The following NBPF26 variants were observed in gnomAD, a reference collection of about 807,000 sequenced individuals.
NBPF26 encodes the protein NBPF member 26.
A neutral mutation model predicts 119.6 loss-of-function variants in NBPF26; 79 were observed. That is an observed-to-expected ratio of 0.66 (90% confidence interval 0.55 to 0.80). The LOEUF (loss-of-function observed/expected upper bound fraction) is 0.80, where lower values mean the gene tolerates loss of function less well. NBPF26 is among the 30% of genes least tolerant of loss of function. The pLI is 0.00. For synonymous variants in NBPF26, 299 were observed against 457.7 expected (o/e 0.65, Z 4.43); for missense variants, 800 against 1,198.2 (o/e 0.67, Z 4.91).
chr1:120,804,631 C>G (rs1651633933), intron 4 of NBPF26, among the ~76,000 whole-genome samples: 1 of 119,136 alleles, frequency 8.4e-6, no homozygotes, highest in Non-Finnish European at 1.6e-5. Context: ...TCTTGTGGCA[C>G]TAGAATGACA....
chr1:120,785,411 A>G (rs1395066869), intron 3 of NBPF26, among the ~76,000 whole-genome samples, 178 bp downstream of exon 3: 1 of 70,222 alleles, frequency 1.4e-5, no homozygotes, highest in Non-Finnish European at 2.4e-5. Flanking sequence ...TAAGAGTTTC[A>G]GGGGGCAGAG....
chr1:120,840,517 T>C lies in NBPF26; in HGVS notation c.4271T>C (p.Val1424Ala). Reference sequence around the variant, plus strand: ...GAGCATATCAGCTTCGCCCTTTACGTGGACAATAGGTTTTTTACTTTGACG... The same window carrying C: ...GAGCATATCAGCTTCGCCCTTTACGCGGACAATAGGTTTTTTACTTTGACG... Residue 1424 changes from valine to alanine, a missense_variant, in exon 30 of 30, where the codon GTG becomes GCG. Coordinates refer to ENST00000620612, the Ensembl canonical transcript of NBPF26. 1.4e-6 allele frequency: 2 copies of C among 1,474,526 alleles called. 1 individual carries two copies. Among genetic ancestry groups the C allele is most frequent in the Non-Finnish European group, 1.8e-6 (2 of 1,089,260 alleles). The allele number at this position is 1,474,526 out of a possible 1,614,324, so 91.3% of individuals were successfully genotyped here.
In NBPF26 at chr1:120,792,502, G is replaced by A. The variant is rs1277255144; in HGVS notation, c.416-659G>A. On this transcript the variant is annotated intron_variant, in intron 3 of 29. Coordinates refer to ENST00000620612, the Ensembl canonical transcript of NBPF26. The stretch of plus-strand genomic sequence containing the variant: ...AGTTCACTAGGAAAACAGAAGGGAA[G>A]TTGATTTTTTTTTTTTTGAAATAGA... Among the ~76,000 whole-genome samples, 2 of 107,428 alleles carry A rather than the reference G, an allele frequency of 1.9e-5. 1 individual carries two copies. Among genetic ancestry groups the A allele is most frequent in the Non-Finnish European group, 3.5e-5 (2 of 57,226 alleles). The allele number at this position is 107,428 out of a possible 152,430, so 70.5% of individuals were successfully genotyped here.
intron 9 of NBPF26, among the ~76,000 whole-genome samples, chr1:120,810,998 T>C (rs1651847606): frequency 9.6e-6 from 1 of 104,242 alleles, no homozygotes; most frequent in Admixed American, 9.1e-5. Context: ...CCGAGCACTT[T>C]GGGAGGCCGA....
At chr1:120,809,465 GA>G (rs1362213524) in intron 7 of NBPF26, among the ~76,000 whole-genome samples, 3 of 150,602 alleles carry the variant, frequency 2.0e-5, no homozygotes, top group Non-Finnish European at 4.4e-5. Context: ...TTTGAAATGC[GA>G]ACTGTGACAG....
exon 16 of NBPF26, chr1:120,822,166 C>T (rs1652133113): frequency 8.1e-7 from 1 of 1,241,238 alleles, no homozygotes; most frequent in South Asian, 1.3e-5. Context: ...GGTTATTCGA[C>T]TCTCTCAATT....
chr1:120,756,326 G>T (rs1160693151), intron 1 of NBPF26, among the ~76,000 whole-genome samples: 1 of 116,516 alleles, frequency 8.6e-6, no homozygotes, highest in Non-Finnish European at 1.6e-5. Flanking sequence ...CGTAAACTCA[G>T]ACTTCATCTC....
chr1:120,813,297 C>G lies in NBPF26; in HGVS notation c.1775-594C>G, dbSNP rs1455583888. Among the ~76,000 whole-genome samples the G allele has an allele frequency of 4.8e-5, 6 of 125,048 alleles. 1 individual carries two copies. In the South Asian group the frequency reaches 1.4e-3, roughly 29 times the overall value. The allele number at this position is 125,048 out of a possible 152,430, so 82.0% of individuals were successfully genotyped here. ...CACTATCTATTAGTTCTTCATTCTGCTGTTTCTAAATTAACACAAACTTTA... is the reference window on the plus strand; with the variant it reads ...CACTATCTATTAGTTCTTCATTCTGGTGTTTCTAAATTAACACAAACTTTA... On this transcript the variant is annotated intron_variant, in intron 10 of 29. Coordinates refer to ENST00000620612, the Ensembl canonical transcript of NBPF26.
intron 15 of NBPF26, among the ~76,000 whole-genome samples, chr1:120,819,073 G>C (rs1183037557): frequency 2.4e-5 from 3 of 124,338 alleles, no homozygotes; most frequent in Non-Finnish European, 4.9e-5. Flanking sequence ...AATATTGACA[G>C]TGGGGTGTTA....
chr1:120,759,619 T>C (rs1651112368), intron 1 of NBPF26, among the ~76,000 whole-genome samples: 1 of 104,782 alleles, frequency 9.5e-6, no homozygotes, highest in South Asian at 2.7e-4. Flanking sequence ...AAAGTTTTAA[T>C]TTCTCTTTGT....
At position 120,764,136 on chromosome 1, in the gene NBPF26, A is replaced by G. The variant is rs1436424132; in HGVS notation, c.155+427A>G. ...GTGGCGCATGACTGGAGTCCCAGCT[A>G]CTCGGGAGGCTGAGGCAGGAGAGTG... On this transcript the variant is annotated intron_variant, in intron 2 of 29. Coordinates refer to ENST00000620612, the Ensembl canonical transcript of NBPF26. 1.8e-5 allele frequency among the ~76,000 whole-genome samples: 2 copies of G among 111,900 alleles called. 1 individual carries two copies. Among genetic ancestry groups the G allele is most frequent in the African/African-American group, 1.0e-4 (2 of 19,466 alleles). The allele number at this position is 111,900 out of a possible 152,430, so 73.4% of individuals were successfully genotyped here.
intron 22 of NBPF26, among the ~76,000 whole-genome samples, chr1:120,832,411 AC>A (rs1652360120): frequency 9.9e-6 from 1 of 101,476 alleles, no homozygotes. Context: ...ATGACATTGG[AC>A]CTGGGCAGAT....
chr1:120,801,455 A>C lies in NBPF26; in HGVS notation c.752-4101A>C, dbSNP rs1262859474. Among the ~76,000 whole-genome samples, 2 of 101,230 alleles carry C rather than the reference A, an allele frequency of 2.0e-5. 1 individual carries two copies. Among genetic ancestry groups the C allele is most frequent in the African/African-American group, 1.2e-4 (2 of 16,540 alleles). The allele number at this position is 101,230 out of a possible 152,430, so 66.4% of individuals were successfully genotyped here. A position where few individuals can be genotyped will look rare whatever the true frequency, so the allele number is the denominator to read the frequency against. Reference sequence around the variant, plus strand: ...ATTTTTGTGATATATGAATTATACTATAGAACTAATAATAACAGTAATAAA... The same window carrying C: ...ATTTTTGTGATATATGAATTATACTCTAGAACTAATAATAACAGTAATAAA... On this transcript the variant is annotated intron_variant, in intron 4 of 29. Coordinates refer to ENST00000620612, the Ensembl canonical transcript of NBPF26.
Position 120,724,191 on chromosome 1 carries a change from G to A in NBPF26, c.14G>A (p.Arg5His). The change falls in exon 1 of 30, where the codon CGT becomes CAT. Residue 5 changes from arginine to histidine, a missense_variant. Arg to His is a conservative substitution (Grantham distance 29). This residue lies in a region of NBPF26 where 209 missense variants were observed against 285.2 expected (regional missense o/e 0.73). Transcript: ENST00000620612. ...GCGACCGAGAAGATGCCCGCCCTGC[G>A]TCCCGCTCTGCTGTGGGCGCTGCTG... 2 of 1,398,856 alleles carry A rather than the reference G, an allele frequency of 1.4e-6. 1 individual carries two copies. Among genetic ancestry groups the A allele is most frequent in the Non-Finnish European group, 1.9e-6 (2 of 1,067,246 alleles). The allele number at this position is 1,398,856 out of a possible 1,614,324, so 86.7% of individuals were successfully genotyped here.
In NBPF26 at chr1:120,805,556, T is replaced by G; in HGVS notation, c.752T>G (p.Val251Gly). Residue 251 changes from valine (V) to glycine (G), a missense_variant and splice_region_variant, in exon 5 of 30, where the codon GTC (valine) becomes GGC (glycine). This residue lies in a region of NBPF26 where 155 missense variants were observed against 143.7 expected (regional missense o/e 1.08). Coordinates refer to ENST00000620612, the Ensembl canonical transcript of NBPF26. Reference sequence around the variant, plus strand: ...ATATGTTTGGGTTTCTTCTCCCCAGTCCCTGACTCCACCTCTTCTGCCACA... The same window carrying G: ...ATATGTTTGGGTTTCTTCTCCCCAGGCCCTGACTCCACCTCTTCTGCCACA... The G allele has an allele frequency of 5.8e-6, 8 of 1,382,016 alleles. 1 individual carries two copies. Among genetic ancestry groups the G allele is most frequent in the Non-Finnish European group, 7.9e-6 (8 of 1,009,608 alleles). 85.6% of individuals were successfully genotyped at this position (1,382,016 alleles called of 1,614,324 possible).
At position 120,840,525 on chromosome 1, in the gene NBPF26, A is replaced by T. The variant is rs1553273544; in HGVS notation, c.4279A>T (p.Arg1427Trp). 4.8e-6 allele frequency: 7 copies of T among 1,472,974 alleles called. 1 individual carries two copies. Among genetic ancestry groups the T allele is most frequent in the African/African-American group, 1.9e-5 (1 of 51,714 alleles). 91.2% of individuals were successfully genotyped at this position (1,472,974 alleles called of 1,614,324 possible). A position where few individuals can be genotyped will look rare whatever the true frequency, so the allele number is the denominator to read the frequency against. Residue 1427 changes from arginine to tryptophan, a missense_variant, in exon 30 of 30, where the codon AGG becomes TGG. Physicochemically the swap from Arg to Trp is moderately radical, Grantham distance 101. Transcript: ENST00000620612. ...CAGCTTCGCCCTTTACGTGGACAATAGGTTTTTTACTTTGACGGTGACAAG... is the reference window on the plus strand; with the variant it reads ...CAGCTTCGCCCTTTACGTGGACAATTGGTTTTTTACTTTGACGGTGACAAG...
At chr1:120,809,720 C>CATAG (rs1170751936) in intron 7 of NBPF26, 91 bp from the exon 8 acceptor site, 1 of 1,395,786 alleles carries the variant, frequency 7.2e-7, no homozygotes, top group African/African-American at 1.6e-5. Flanking sequence ...CTGAACCATA[C>CATAG]ATAGATGTTC....
chr1:120,833,342 C>G, intron 23 of NBPF26, among the ~76,000 whole-genome samples: 1 of 18,392 alleles, frequency 5.4e-5, no homozygotes, highest in East Asian at 3.8e-3. Flanking sequence ...CAGTATGTCA[C>G]CTGGCCAATT....
chr1:120,727,432 A>G lies in NBPF26; in HGVS notation c.73+3182A>G, dbSNP rs1258315403. 1.7e-5 allele frequency among the ~76,000 whole-genome samples: 2 copies of G among 115,934 alleles called. 1 individual carries two copies. The allele number at this position is 115,934 out of a possible 152,430, so 76.1% of individuals were successfully genotyped here. ...AAATTGCTAACATAAGAGATATAGAATATAATGTCATTTCTTCTGTTTATC... is the reference window on the plus strand; with the variant it reads ...AAATTGCTAACATAAGAGATATAGAGTATAATGTCATTTCTTCTGTTTATC... On this transcript the variant is annotated intron_variant, in intron 1 of 29. Transcript: ENST00000620612.
Sources: gnomAD v4.1 joint callset for allele counts (sites outside exome capture counted in the v4.1 genomes callset) on GRCh38, gnomAD v4.1.1 for gene constraint, gnomAD v4.1.1 regional missense constraint, MANE v1.5 for transcripts, NCBI Gene and HGNC (gene_info 2026-07-23, HGNC 2026-07-21) for gene names.